The following MS4A7 variants were observed in gnomAD, a reference collection of about 807,000 sequenced individuals.
MS4A7 encodes the protein membrane spanning 4-domains A7.
A neutral mutation model predicts 23.5 loss-of-function variants in MS4A7; 21 were observed. The ratio of observed to expected loss-of-function variants is 0.89; its 90% CI spans 0.63 to 1.29. The LOEUF is 1.29. Among genes scored for constraint, MS4A7 ranks in the 50% most tolerant of loss-of-function variants. MS4A7 has a pLI of 0.00. For synonymous variants in MS4A7, 111 were observed against 107.4 expected (o/e 1.03, Z -0.21); for missense variants, 263 against 274.2 (o/e 0.96, Z 0.29).
rs114900972 is a variant in MS4A7 at position 60,395,301 on chromosome 11, G to A, written c.*1440G>A. 277 of 193,918 alleles carry A rather than the reference G, an allele frequency of 1.4e-3. No homozygotes were observed. Among genetic ancestry groups the A allele is most frequent in the African/African-American group, 6.0e-3 (261 of 43,216 alleles). The allele number at this position is 193,918 out of a possible 1,614,324, so 12.0% of individuals were successfully genotyped here. On this transcript the variant is annotated 3_prime_UTR_variant, in exon 7 of 7. Coordinates refer to ENST00000300184, the MANE Select transcript of MS4A7 (RefSeq NM_021201.5). ...TTAACTTTGCACTCTCTATGCATAT[G>A]AGGTTTCCTAAATAAATGAGGAGTA...
In MS4A7 at chr11:60,394,750, G is replaced by A. The variant is rs149802219; in HGVS notation, c.*889G>A. On this transcript the variant is annotated 3_prime_UTR_variant, in exon 7 of 7. Transcript: ENST00000300184. ...CCGGGAAGGGGAGGTTGCAGTGAGCGGAGACTGCACCACTGCATTCCAGCC... is the reference window on the plus strand; with the variant it reads ...CCGGGAAGGGGAGGTTGCAGTGAGCAGAGACTGCACCACTGCATTCCAGCC... 72 of 264,128 alleles carry A rather than the reference G, an allele frequency of 2.7e-4. No homozygotes were observed. Among genetic ancestry groups the A allele is most frequent in the African/African-American group, 1.2e-3 (56 of 44,918 alleles). The allele number at this position is 264,128 out of a possible 1,614,324, so 16.4% of individuals were successfully genotyped here.
chr11:60,389,412 A>G lies in MS4A7; in HGVS notation c.362A>G (p.Asn121Ser). ...CAGGACCTGAGCAGCTTGACCTCAA[A>G]TGCAGTGAGTTCTGTTACTGCAGGA... ...KPFDLSSLTS[N>S]AVSSVTAGAG... Residue 121 changes from asparagine (N) to serine (S), a missense_variant, in exon 5 of 7, where the codon AAT becomes AGT. Physicochemically the swap from Asn to Ser is conservative, Grantham distance 46. Coordinates refer to ENST00000300184, the MANE Select transcript of MS4A7 (RefSeq NM_021201.5). 1 of 1,613,018 alleles carries G rather than the reference A, an allele frequency of 6.2e-7. No individual in the cohort carries two copies. The highest frequency in any genetic ancestry group is 8.5e-7 in the Non-Finnish European group (1 of 1,179,456).
At chr11:60,384,503 T>A (rs115586928) in intron 2 of MS4A7, among the ~76,000 whole-genome samples, 2,088 of 152,352 alleles carry the variant, frequency 0.014, 46 homozygotes, top group African/African-American at 0.048. Flanking sequence ...TAACTGTTGA[T>A]GATGTGAATG....
chr11:60,389,322 G>A, intron 4 of MS4A7, 68 bp from the exon 5 acceptor site: 1 of 1,328,864 alleles, frequency 7.5e-7, no homozygotes, highest in South Asian at 1.4e-5. Flanking sequence ...GCAGTACAAT[G>A]GACAGAGGAC....
chr11:60,381,368 T>G (rs954996091), intron 1 of MS4A7, among the ~76,000 whole-genome samples: 4 of 152,188 alleles, frequency 2.6e-5, no homozygotes, highest in African/African-American at 9.7e-5. Flanking sequence ...GTTTAATAAT[T>G]CTTCAGATAA....
chr11:60,388,421 A>G (rs2085513891), intron 4 of MS4A7, among the ~76,000 whole-genome samples: 1 of 152,244 alleles, frequency 6.6e-6, no homozygotes, highest in African/African-American at 2.4e-5. Flanking sequence ...TTCTAAGTCC[A>G]GAACTATGAC....
In MS4A7 at chr11:60,395,592, T is replaced by G. The variant is rs188767608; in HGVS notation, c.*1731T>G. The G allele has an allele frequency of 2.6e-5, 4 of 152,338 alleles. No individual in the cohort carries two copies. The highest frequency in any genetic ancestry group is 9.6e-5 in the African/African-American group (4 of 41,584). The allele number at this position is 152,338 out of a possible 1,614,324, so 9.4% of individuals were successfully genotyped here. On this transcript the variant is annotated 3_prime_UTR_variant, in exon 7 of 7. Transcript: ENST00000300184. ...CTAAAGGCAGTTTCTGTTGTTTTAA[T>G]TAGTATTTGTGTAGTTCAAACCAGG...
rs1362911935 is a variant in MS4A7 at position 60,378,604 on chromosome 11, G to C, written c.-74G>C. On this transcript the variant is annotated 5_prime_UTR_variant, in exon 1 of 7. Transcript: ENST00000300184. ...ACAGCCAGTGGGAGGTTCCAGCTGA[G>C]CGCTCCCCAGAGGTGAGCTGATCCC... 1 of 152,276 alleles carries C rather than the reference G, an allele frequency of 6.6e-6. No individual in the cohort carries two copies. Among genetic ancestry groups the C allele is most frequent in the African/African-American group, 2.4e-5 (1 of 41,454 alleles). 9.4% of individuals were successfully genotyped at this position (152,276 alleles called of 1,614,324 possible).
intron 1 of MS4A7, among the ~76,000 whole-genome samples, chr11:60,380,494 T>A (rs781394755): frequency 1.3e-5 from 2 of 152,222 alleles, no homozygotes; most frequent in Non-Finnish European, 2.9e-5. Flanking sequence ...GGAAAATAAA[T>A]GTTCATGGTA....
At chr11:60,384,731 C>T (rs1385208398) in intron 2 of MS4A7, among the ~76,000 whole-genome samples, 2 of 152,178 alleles carry the variant, frequency 1.3e-5, no homozygotes, top group Non-Finnish European at 2.9e-5. Context: ...TGAAAAATCT[C>T]TTCATTAACA....
chr11:60,381,932 G>A (rs2135092598), intron 1 of MS4A7, among the ~76,000 whole-genome samples: 1 of 152,166 alleles, frequency 6.6e-6, no homozygotes, highest in Admixed American at 6.5e-5. Flanking sequence ...GAGATTCTAG[G>A]TGTCATTTCC....
intron 4 of MS4A7, 105 bp downstream of exon 4, chr11:60,386,878 C>A: frequency 9.7e-7 from 1 of 1,027,134 alleles, no homozygotes; most frequent in Non-Finnish European, 1.4e-6. Context: ...AGAGAAAAAG[C>A]TTAGAACAGG....
intron 3 of MS4A7, 117 bp downstream of exon 3, chr11:60,385,339 C>G: frequency 8.9e-7 from 1 of 1,125,244 alleles, no homozygotes; most frequent in Non-Finnish European, 1.3e-6. Context: ...AAGGCCTCGA[C>G]TTTCCTTCTA....
chr11:60,385,036 C>A lies in MS4A7; in HGVS notation c.148-52C>A, dbSNP rs1318576569. The A allele has an allele frequency of 3.9e-6, 6 of 1,528,220 alleles. No individual in the cohort carries two copies. The African/African-American group carries it at 5.5e-5, about 14-fold the overall frequency. The allele number at this position is 1,528,220 out of a possible 1,614,324, so 94.7% of individuals were successfully genotyped here. ...ACTTTACCGTGTGCATTCAAATAATCACTTTTATCTGTTTGAAGTGCAGTC... is the reference window on the plus strand; with the variant it reads ...ACTTTACCGTGTGCATTCAAATAATAACTTTTATCTGTTTGAAGTGCAGTC... On this transcript the variant is annotated intron_variant, in intron 2 of 6. Coordinates refer to ENST00000300184, the MANE Select transcript of MS4A7 (RefSeq NM_021201.5).
In MS4A7 at chr11:60,394,839, CTATA is replaced by C. The variant is rs2085596389; in HGVS notation, c.*983_*986del. ...AAAAATAAATAAAAATAAAAATAGA[CTATA>C]TATAGTCTTTGAATTCATTTATTTT... On this transcript the variant is annotated 3_prime_UTR_variant, in exon 7 of 7. Transcript: ENST00000300184. 2.3e-6 allele frequency: 1 copy of C among 431,674 alleles called. No homozygotes were observed. Among genetic ancestry groups the C allele is most frequent in the Non-Finnish European group, 4.1e-6 (1 of 246,830 alleles). 26.7% of individuals were successfully genotyped at this position (431,674 alleles called of 1,614,324 possible).
chr11:60,382,240 A>G (rs1245024127), intron 1 of MS4A7, among the ~76,000 whole-genome samples: 2 of 152,220 alleles, frequency 1.3e-5, no homozygotes, highest in Non-Finnish European at 2.9e-5. Flanking sequence ...GGAAGGAAGA[A>G]AGGAAGGAAG....
chr11:60,383,395 G>A, intron 2 of MS4A7, 107 bp downstream of exon 2: 1 of 1,328,440 alleles, frequency 7.5e-7, no homozygotes, highest in Non-Finnish European at 1.0e-6. Flanking sequence ...TTTTCTGGCT[G>A]ACTCCAGGCT....
intron 1 of MS4A7, among the ~76,000 whole-genome samples, chr11:60,382,810 C>T (rs1055872529): frequency 1.3e-5 from 2 of 152,180 alleles, no homozygotes; most frequent in Admixed American, 6.5e-5. Flanking sequence ...AAGCAGAGGT[C>T]ACTGGAGGGA....
rs1565166371 is a variant in MS4A7 at position 60,385,195 on chromosome 11, T to C, written c.255T>C (p.Ser85=). The C allele has an allele frequency of 6.2e-7, 1 of 1,614,150 alleles. No individual in the cohort carries two copies. Among genetic ancestry groups the C allele is most frequent in the African/African-American group, 1.3e-5 (1 of 75,028 alleles). The change falls in exon 3 of 7, where the codon TCT becomes TCC. Residue 85 remains serine (S), a synonymous_variant. Coordinates refer to ENST00000300184, the MANE Select transcript of MS4A7 (RefSeq NM_021201.5). The stretch of plus-strand genomic sequence containing the variant: ...CAGCAATTTCCACCACTTTGATGTC[T>C]GGGTACCCATTTTTAGGAGCTCTGT... ...FNPAISTTLM[S]GYPFLGALCF... is the part of the protein sequence containing the mutation.
Sources: gnomAD v4.1 joint callset for allele counts (sites outside exome capture counted in the v4.1 genomes callset) on GRCh38, gnomAD v4.1.1 for gene constraint, MANE v1.5 for transcripts, NCBI Gene and HGNC (gene_info 2026-07-23, HGNC 2026-07-21) for gene names.